Variants in CKMT2 observed in about 807,000 individuals in gnomAD.
CKMT2 encodes creatine kinase, mitochondrial 2.
A neutral mutation model predicts 48.9 loss-of-function variants in CKMT2; 43 were observed. That is an observed-to-expected ratio of 0.88 (90% CI 0.69 to 1.13). CKMT2 has a LOEUF of 1.13. Ranked by LOEUF, CKMT2 falls within the 50% of genes most tolerant of loss-of-function variation. CKMT2 has a pLI of 0.00. For missense variants in CKMT2, 472 were observed against 555.4 expected (o/e 0.85, Z 1.51); for synonymous variants, 206 against 213.0 (o/e 0.97, Z 0.29).
intron 8 of CKMT2, among the ~76,000 whole-genome samples, chr5:81,262,360 T>G (rs1757255176): frequency 6.6e-6 from 1 of 151,892 alleles, no homozygotes; most frequent in African/African-American, 2.4e-5. Context: ...ATTAAAGAGC[T>G]TCTGCACAGC....
At chr5:81,252,631 G>T in intron 2 of CKMT2, 64 bp from the exon 3 acceptor site, 1 of 1,541,960 alleles carries the variant, frequency 6.5e-7, no homozygotes, top group African/African-American at 1.4e-5. Flanking sequence ...CAAACAACAA[G>T]TCCTTCCATT....
At chr5:81,236,323 CTGTA>C (rs1756242831) in intron 1 of CKMT2, among the ~76,000 whole-genome samples, 1 of 152,062 alleles carries the variant, frequency 6.6e-6, no homozygotes, top group Non-Finnish European at 1.5e-5. Context: ...CAGTGAAGGG[CTGTA>C]TGTGAGGTGC....
intron 1 of CKMT2, among the ~76,000 whole-genome samples, chr5:81,234,513 G>A (rs541300667): frequency 3.9e-5 from 6 of 152,262 alleles, no homozygotes; most frequent in South Asian, 2.1e-4. Context: ...AGGCTCTTCC[G>A]GGAGGCTCTT....
chr5:81,254,364 T>TA (rs762371870), intron 3 of CKMT2, 32 bp from the exon 4 acceptor site: 64 of 1,577,318 alleles, frequency 4.1e-5, no homozygotes, highest in Non-Finnish European at 5.4e-5. Flanking sequence ...GTGAACCAGT[T>TA]AAAGAGGAAA....
At chr5:81,255,959 C>T (rs1008757531) in intron 5 of CKMT2, among the ~76,000 whole-genome samples, 1 of 152,148 alleles carries the variant, frequency 6.6e-6, no homozygotes, top group Non-Finnish European at 1.5e-5. Context: ...CACCTCAAGT[C>T]ACCACCCTGG....
Position 81,254,444 on chromosome 5 carries a change from T to A in CKMT2, c.400T>A (p.Tyr134Asn). The A allele has an allele frequency of 6.2e-7, 1 of 1,614,150 alleles. No individual in the cohort carries two copies. Among genetic ancestry groups the A allele is most frequent in the Non-Finnish European group, 8.5e-7 (1 of 1,180,014 alleles). The change falls in exon 4 of 10, where the codon TAT becomes AAT. Residue 134 changes from tyrosine (Y) to asparagine (N), a missense_variant. By Grantham distance (143) the Tyr-to-Asn change is moderately radical. Coordinates refer to ENST00000254035, the MANE Select transcript of CKMT2 (RefSeq NM_001099735.2). ...DPVIKLRHNG[Y>N]DPRVMKHTTD... is the part of the protein sequence containing the mutation. The stretch of plus-strand genomic sequence containing the variant: ...CGTCATCAAACTAAGACACAACGGC[T>A]ATGACCCCAGGGTGATGAAGCACAC...
intron 1 of CKMT2, among the ~76,000 whole-genome samples, chr5:81,247,397 T>C (rs1580440534): frequency 1.3e-5 from 2 of 152,360 alleles, no homozygotes; most frequent in East Asian, 1.9e-4. Context: ...GCTTTACTTA[T>C]GCCACATGTT....
intron 8 of CKMT2, among the ~76,000 whole-genome samples, chr5:81,260,624 A>C (rs1297480956): frequency 1.3e-5 from 2 of 152,254 alleles, no homozygotes; most frequent in African/African-American, 2.4e-5. Context: ...GAAGAAATGG[A>C]TAAATTCCTG....
chr5:81,253,956 T>C (rs1756909592), intron 3 of CKMT2, among the ~76,000 whole-genome samples: 1 of 152,254 alleles, frequency 6.6e-6, no homozygotes, highest in African/African-American at 2.4e-5. Flanking sequence ...AAATTTCATA[T>C]GTAGCTTAAT....
At chr5:81,234,441 T>C (rs1756194286) in intron 1 of CKMT2, among the ~76,000 whole-genome samples, 1 of 152,174 alleles carries the variant, frequency 6.6e-6, no homozygotes, top group Non-Finnish European at 1.5e-5. Context: ...TGGTCTGTTC[T>C]CTCTGTCCTC....
intron 1 of CKMT2, chr5:81,242,201 AGT>A (rs199870888): frequency 4.2e-6 from 1 of 239,412 alleles, no homozygotes. Context: ...ACCAGAACTG[AGT>A]GTCTCACTTG....
At chr5:81,265,862 T>C (rs997126110) in intron 9 of CKMT2, among the ~76,000 whole-genome samples, 2 of 152,190 alleles carry the variant, frequency 1.3e-5, no homozygotes, top group African/African-American at 4.8e-5. Flanking sequence ...ACTCTGATAT[T>C]TTATAGCAGA....
intron 1 of CKMT2, chr5:81,244,142 C>G (rs1243753483): frequency 1.0e-6 from 1 of 985,288 alleles, no homozygotes; most frequent in African/African-American, 1.7e-5. Flanking sequence ...AAGTTTTCTG[C>G]AAGTCCTCCA....
rs112570957 is a variant in CKMT2, at chr5:81,257,121, T to C, written c.755+121T>C. 1.6e-5 allele frequency: 11 copies of C among 686,044 alleles called. No homozygotes were observed. In the African/African-American group the frequency reaches 2.0e-4, roughly 12 times the overall value. The allele number at this position is 686,044 out of a possible 1,614,324, so 42.5% of individuals were successfully genotyped here. On this transcript the variant is annotated intron_variant, in intron 6 of 9. Transcript: ENST00000254035. ...GACAGCATGCCCAGACTGAGCTAAA[T>C]GGAAAAAGACTACTTGGAAAGTGTG...
rs1293619760 is a variant in CKMT2, at chr5:81,263,558, C to T, written c.1082C>T (p.Thr361Ile). 6.2e-7 allele frequency: 1 copy of T among 1,612,948 alleles called. No individual in the cohort carries two copies. Among genetic ancestry groups the T allele is most frequent in the South Asian group, 1.1e-5 (1 of 91,024 alleles). The change falls in exon 9 of 10, where the codon ACT becomes ATT. Residue 361 changes from threonine (T) to isoleucine (I), a missense_variant. Thr to Ile is a moderately conservative substitution (Grantham distance 89, BLOSUM62 -1). Coordinates refer to ENST00000254035, the MANE Select transcript of CKMT2 (RefSeq NM_001099735.2). ...AAGCGTGGCACAGGTGGTGTGGACA[C>T]TGCCGCGGTCGCAGATGTGTACGAC... ...LQKRGTGGVD[T>I]AAVADVYDIS...
intron 3 of CKMT2, 64 bp from the exon 4 acceptor site, chr5:81,254,332 T>C: frequency 7.1e-7 from 1 of 1,410,190 alleles, no homozygotes; most frequent in Non-Finnish European, 1.0e-6. Context: ...GGCAAGTGAA[T>C]GGAAAGGTCT....
At chr5:81,246,665 C>A (rs1451446662) in intron 1 of CKMT2, among the ~76,000 whole-genome samples, 1 of 152,184 alleles carries the variant, frequency 6.6e-6, no homozygotes. Context: ...GAATTCCATG[C>A]TTCCTGCTGG....
chr5:81,235,110 C>A (rs1288583269), intron 1 of CKMT2, among the ~76,000 whole-genome samples: 1 of 152,092 alleles, frequency 6.6e-6, no homozygotes, highest in Non-Finnish European at 1.5e-5. Context: ...AACAATTTAC[C>A]CTTGAGGGAC....
Position 81,266,120 on chromosome 5 carries a change from ATCT to A in CKMT2, c.1141-13_1141-11del. On this transcript the variant is annotated splice_polypyrimidine_tract_variant and intron_variant, in intron 9 of 9. Coordinates refer to ENST00000254035, the MANE Select transcript of CKMT2 (RefSeq NM_001099735.2). ...ATGCTTCTATTCAAATTAATCATTC[ATCT>A]TCTTCACTGTCAAAGGTTGAGCTTG... 1 of 1,609,854 alleles carries A rather than the reference ATCT, an allele frequency of 6.2e-7. No homozygotes were observed. The highest frequency in any genetic ancestry group is 8.5e-7 in the Non-Finnish European group (1 of 1,176,858).
Sources: allele counts gnomAD v4.1 joint callset (sites outside exome capture counted in the v4.1 genomes callset), GRCh38; gene constraint gnomAD v4.1.1; transcripts MANE v1.5; gene names NCBI Gene and HGNC (gene_info 2026-07-23, HGNC 2026-07-21).